The following AGBL4 variants were observed in gnomAD, a reference collection of about 807,000 sequenced individuals.
The protein encoded by AGBL4 is cytosolic carboxypeptidase 6.
Under a neutral mutation model 66.4 loss-of-function variants are expected in AGBL4, and 58 were observed. The observed-to-expected ratio is 0.87, with a 90% CI of 0.71 to 1.09. The LOEUF is 1.09. Ranked by LOEUF, AGBL4 falls within the 50% of genes least tolerant of loss-of-function variation. The pLI is 0.00. For missense variants in AGBL4, 579 were observed against 631.0 expected (o/e 0.92, Z 0.88); for synonymous variants, 234 against 222.9 (o/e 1.05, Z -0.44).
intron 1 of AGBL4, among the ~76,000 whole-genome samples, chr1:49,891,262 A>G (rs1375383665): frequency 6.6e-6 from 1 of 152,206 alleles, no homozygotes; most frequent in Non-Finnish European, 1.5e-5. Context: ...AAAATGGAAA[A>G]AAATAAGTGA....
chr1:49,462,763 A>T (rs953092115), intron 3 of AGBL4, among the ~76,000 whole-genome samples: 2 of 151,722 alleles, frequency 1.3e-5, no homozygotes, highest in Non-Finnish European at 3.0e-5. Context: ...TAACCTGATA[A>T]TTATAATTTC....
chr1:49,846,202 C>T (rs1225731640), intron 2 of AGBL4: 1 of 1,460,646 alleles, frequency 6.8e-7, no homozygotes, highest in Admixed American at 1.7e-5. Context: ...GCTCCTCACT[C>T]AGCCAGCACA....
chr1:49,291,020 A>G (rs533444421), intron 3 of AGBL4, among the ~76,000 whole-genome samples: 1 of 152,250 alleles, frequency 6.6e-6, no homozygotes, highest in African/African-American at 2.4e-5. Context: ...ATTACAGGAC[A>G]TGAAACCCGC....
At chr1:48,632,303 T>A (rs1328319103) in intron 9 of AGBL4, among the ~76,000 whole-genome samples, 2 of 152,218 alleles carry the variant, frequency 1.3e-5, no homozygotes, top group Non-Finnish European at 2.9e-5. Context: ...TGATGATCAA[T>A]GTATTCATGA....
At chr1:49,862,202 C>A (rs1349986926) in intron 1 of AGBL4, among the ~76,000 whole-genome samples, 2 of 151,872 alleles carry the variant, frequency 1.3e-5, no homozygotes, top group South Asian at 2.1e-4. Flanking sequence ...GATTGAAATA[C>A]CTTTTAAAAA....
At chr1:48,545,237 G>T (rs2148271933) in intron 11 of AGBL4, among the ~76,000 whole-genome samples, 1 of 152,316 alleles carries the variant, frequency 6.6e-6, no homozygotes, top group South Asian at 2.1e-4. Flanking sequence ...AGTAAAAGGT[G>T]CCACTGTAAG....
At chr1:48,827,926 G>A (rs148886222) in intron 6 of AGBL4, among the ~76,000 whole-genome samples, 2 of 151,334 alleles carry the variant, frequency 1.3e-5, no homozygotes, top group Non-Finnish European at 2.9e-5. Context: ...AGGCCGAGGC[G>A]GGCAGATCAC....
rs372020684 is a variant in AGBL4, at chr1:48,655,861, C to T, written c.725-2410G>A. On this transcript the variant is annotated intron_variant, in intron 7 of 13. Transcript: ENST00000371839. The stretch of plus-strand genomic sequence containing the variant: ...CCTGTAGAAAGCCTCTGGGTCTATG[C>T]TTATCTTTAAAATTAGGAGAAAGAA... 1.5e-3 allele frequency among the ~76,000 whole-genome samples: 231 copies of T among 152,300 alleles called. 3 individuals carry two copies. The South Asian group carries it at 0.041, about 27-fold the overall frequency.
intron 11 of AGBL4, among the ~76,000 whole-genome samples, chr1:48,544,894 T>C (rs972227360): frequency 2.0e-5 from 3 of 152,114 alleles, no homozygotes; most frequent in African/African-American, 7.2e-5. Context: ...ACAGAGAACA[T>C]AGGAAAATAG....
At chr1:49,330,352 G>A (rs1645307687) in intron 3 of AGBL4, among the ~76,000 whole-genome samples, 1 of 152,236 alleles carries the variant, frequency 6.6e-6, no homozygotes, top group Admixed American at 6.5e-5. Context: ...GGGAGGCAGA[G>A]ATGGCAGTGG....
At chr1:49,748,510 C>A (rs1234217484) in intron 2 of AGBL4, among the ~76,000 whole-genome samples, 3 of 152,144 alleles carry the variant, frequency 2.0e-5, no homozygotes, top group Admixed American at 2.0e-4. Flanking sequence ...ATTTATAATA[C>A]TTTGGGTATA....
intron 3 of AGBL4, among the ~76,000 whole-genome samples, chr1:49,627,558 T>C (rs970427251): frequency 2.0e-5 from 3 of 152,150 alleles, no homozygotes; most frequent in Non-Finnish European, 2.9e-5. Flanking sequence ...CCTCAGGCTA[T>C]GTTTTATTTC....
intron 7 of AGBL4, among the ~76,000 whole-genome samples, chr1:48,657,042 T>G (rs1398952609): frequency 6.6e-6 from 1 of 152,108 alleles, no homozygotes; most frequent in Admixed American, 6.5e-5. Flanking sequence ...AGATGGTCTG[T>G]TGGTAACGGA....
intron 6 of AGBL4, among the ~76,000 whole-genome samples, chr1:48,799,981 T>A (rs1248708139): frequency 6.6e-6 from 1 of 152,156 alleles, no homozygotes; most frequent in African/African-American, 2.4e-5. Flanking sequence ...TATCCTTTCC[T>A]GGTTTTGGTA....
chr1:49,184,874 C>G (rs1646987671), intron 4 of AGBL4, among the ~76,000 whole-genome samples: 1 of 152,046 alleles, frequency 6.6e-6, no homozygotes, highest in South Asian at 2.1e-4. Flanking sequence ...ATGAAAATGT[C>G]CTATAAAATT....
chr1:48,712,045 C>T (rs1354450992), intron 6 of AGBL4, among the ~76,000 whole-genome samples: 1 of 152,142 alleles, frequency 6.6e-6, no homozygotes, highest in Non-Finnish European at 1.5e-5. Flanking sequence ...CCCATCTGTG[C>T]TACTCCCTCC....
chr1:49,387,359 T>G (rs1306802242), intron 3 of AGBL4, among the ~76,000 whole-genome samples: 1 of 151,972 alleles, frequency 6.6e-6, no homozygotes, highest in African/African-American at 2.4e-5. Flanking sequence ...AAGCTCTTGA[T>G]AATCATTTAT....
intron 2 of AGBL4, among the ~76,000 whole-genome samples, chr1:49,834,922 C>T (rs1405295379): frequency 6.6e-6 from 1 of 152,152 alleles, no homozygotes; most frequent in African/African-American, 2.4e-5. Context: ...TTTGATTACA[C>T]TGTGGTTTGA....
rs770093991 is a variant in AGBL4, at chr1:49,391,585, G to A, written c.283-145721C>T. Among the ~76,000 whole-genome samples the A allele has an allele frequency of 3.5e-5, 5 of 142,170 alleles. No homozygotes were observed. In the East Asian group the frequency reaches 6.1e-4, roughly 17 times the overall value. 93.3% of individuals were successfully genotyped at this position (142,170 alleles called of 152,430 possible). A position where few individuals can be genotyped will look rare whatever the true frequency, so the allele number is the denominator to read the frequency against. On this transcript the variant is annotated intron_variant, in intron 3 of 13. Coordinates refer to ENST00000371839, the MANE Select transcript of AGBL4 (RefSeq NM_032785.4). The stretch of plus-strand genomic sequence containing the variant: ...TTTGTTTTTTTTTTTTTTTGGAGAC[G>A]GAGTCTCGCTCTATCGCCCAGGCTG...
Sources: gnomAD v4.1 joint callset for allele counts (sites outside exome capture counted in the v4.1 genomes callset) on GRCh38, gnomAD v4.1.1 for gene constraint, MANE v1.5 for transcripts, NCBI Gene and HGNC (gene_info 2026-07-23, HGNC 2026-07-21) for gene names.